Variants in IRAG2 observed in about 807,000 individuals in gnomAD.
IRAG2 encodes the protein lymphoid restricted membrane protein.
Under a neutral mutation model 69.9 loss-of-function variants are expected in IRAG2, and 45 were observed. The observed-to-expected ratio is 0.64, with a 90% CI of 0.51 to 0.83. The LOEUF (loss-of-function observed/expected upper bound fraction) is 0.83, where lower values mean the gene tolerates loss of function less well. Among genes scored for constraint, IRAG2 ranks in the 40% least tolerant of loss-of-function variants. The pLI is 0.00. For synonymous variants in IRAG2, 193 were observed against 202.4 expected (o/e 0.95, Z 0.40); for missense variants, 520 against 587.0 (o/e 0.89, Z 1.18).
At chr12:25,097,302 T>G (rs926959466) in intron 15 of IRAG2, 3 of 329,136 alleles carry the variant, frequency 9.1e-6, no homozygotes, top group Non-Finnish European at 1.7e-5. Context: ...TGTTATAATA[T>G]AGTGTTTATA....
At chr12:25,028,342 T>A (rs1295377903) in intron 9 of IRAG2, among the ~76,000 whole-genome samples, 1 of 152,230 alleles carries the variant, frequency 6.6e-6, no homozygotes, top group Non-Finnish European at 1.5e-5. Flanking sequence ...TTGCCCAGAT[T>A]TGTTATCTTT....
intron 2 of IRAG2, among the ~76,000 whole-genome samples, chr12:25,008,840 C>T (rs1315559920): frequency 2.2e-4 from 33 of 152,032 alleles, no homozygotes; most frequent in Non-Finnish European, 7.4e-5. Context: ...CTAATGTATT[C>T]TCTAGTATGT....
At chr12:25,081,858 T>G (rs1436092202) in intron 9 of IRAG2, among the ~76,000 whole-genome samples, 4 of 152,148 alleles carry the variant, frequency 2.6e-5, no homozygotes, top group South Asian at 2.1e-4. Context: ...ATGTTAAGTA[T>G]AGTGTACACA....
At chr12:25,024,012 A>G in intron 8 of IRAG2, 1 of 665,428 alleles carries the variant, frequency 1.5e-6, no homozygotes, top group Non-Finnish European at 2.1e-6. Context: ...AATCATGTAA[A>G]TATAGCCTCC....
At position 25,077,339 on chromosome 12, in the gene IRAG2, GAA is replaced by G. The variant is rs1491229961; in HGVS notation, c.25-1903_25-1902del. Among the ~76,000 whole-genome samples the G allele has an allele frequency of 7.0e-4, 54 of 76,760 alleles. 1 individual carries two copies. The highest frequency in any genetic ancestry group is 1.2e-3 in the South Asian group (3 of 2,462). The allele number at this position is 76,760 out of a possible 152,430, so 50.4% of individuals were successfully genotyped here. On this transcript the variant is annotated intron_variant, in intron 6 of 21. Coordinates refer to ENST00000556887, the MANE Select transcript of IRAG2 (RefSeq NM_001366544.2). Reference sequence around the variant, plus strand: ...TATGATATATATATGATATATATATGAAATATATATATGATATATATGATATA... The same window carrying G: ...TATGATATATATATGATATATATATGATATATATATGATATATATGATATA...
intron 2 of IRAG2, among the ~76,000 whole-genome samples, chr12:25,008,509 T>A (rs1944449953): frequency 6.6e-6 from 1 of 151,966 alleles, no homozygotes; most frequent in Admixed American, 6.6e-5. Context: ...GAGGCTGAGG[T>A]GGGCAGATCA....
At chr12:25,085,174 G>T (rs1947487593) in intron 10 of IRAG2, among the ~76,000 whole-genome samples, 1 of 152,258 alleles carries the variant, frequency 6.6e-6, no homozygotes, top group Non-Finnish European at 1.5e-5. Context: ...TTATCACAAG[G>T]GCAGAGGGCC....
In IRAG2 at chr12:25,108,276, A is replaced by G; in HGVS notation, c.*216A>G. ...TGATCTTTGAATGAGCTTTTTAAGG[A>G]AGAAATATTATATATTGTTTGTTAA... is the stretch of plus-strand genomic sequence containing the variant. On this transcript the variant is annotated 3_prime_UTR_variant, in exon 22 of 22. Transcript: ENST00000556887. The G allele has an allele frequency of 1.8e-6, 1 of 570,282 alleles. No homozygotes were observed. Among genetic ancestry groups the G allele is most frequent in the Non-Finnish European group, 3.0e-6 (1 of 333,894 alleles). 35.3% of individuals were successfully genotyped at this position (570,282 alleles called of 1,614,324 possible).
At chr12:25,004,888 G>A in exon 1 of IRAG2, 1 of 1,231,574 alleles carries the variant, frequency 8.1e-7, no homozygotes, top group Non-Finnish European at 1.0e-6. Flanking sequence ...GGATTCAGTG[G>A]TAAAAAAATT....
In IRAG2 at chr12:25,090,962, C is replaced by T. The variant is rs1275000138; in HGVS notation, c.606+765C>T. 5 of 400,922 alleles carry T rather than the reference C, an allele frequency of 1.2e-5. No homozygotes were observed. The Admixed American group carries it at 1.4e-4, about 11-fold the overall frequency. The allele number at this position is 400,922 out of a possible 1,614,324, so 24.8% of individuals were successfully genotyped here. On this transcript the variant is annotated intron_variant, in intron 14 of 21. Coordinates refer to ENST00000556887, the MANE Select transcript of IRAG2 (RefSeq NM_001366544.2). ...GTCTTGCAGATGATGGGCAAGCCTGCTGTAGGGTACTGAGAGAAGAATGGG... is the reference window on the plus strand; with the variant it reads ...GTCTTGCAGATGATGGGCAAGCCTGTTGTAGGGTACTGAGAGAAGAATGGG...
intron 14 of IRAG2, among the ~76,000 whole-genome samples, chr12:25,035,953 G>A (rs1482392687): frequency 6.6e-6 from 1 of 152,188 alleles, no homozygotes; most frequent in Non-Finnish European, 1.5e-5. Flanking sequence ...TTCTGAAGCT[G>A]GCCTTTTAGT....
intron 9 of IRAG2, among the ~76,000 whole-genome samples, chr12:25,027,207 A>G (rs953904488): frequency 1.3e-5 from 2 of 151,358 alleles, no homozygotes; most frequent in Admixed American, 1.3e-4. Context: ...ACCATCCCCC[A>G]CCCACCGTCC....
At chr12:25,049,377 C>T (rs1407021939), upstream of IRAG2, among the ~76,000 whole-genome samples, 1 of 152,156 alleles carries the variant, frequency 6.6e-6, no homozygotes, top group Non-Finnish European at 1.5e-5. Flanking sequence ...TATCCATGAG[C>T]ATGGAATGTT....
intron 20 of IRAG2, among the ~76,000 whole-genome samples, chr12:25,105,662 T>G (rs1440252900): frequency 6.6e-6 from 1 of 151,956 alleles, no homozygotes; most frequent in African/African-American, 2.4e-5. Context: ...AGTTCAAGAG[T>G]CTCCTTCAAA....
chr12:25,027,482 C>T (rs1351455048), intron 9 of IRAG2, among the ~76,000 whole-genome samples: 1 of 151,110 alleles, frequency 6.6e-6, no homozygotes, highest in Non-Finnish European at 1.5e-5. Context: ...GCAAGCTCTG[C>T]CTTCCGTGTT....
At chr12:25,018,797 G>T (rs192985179) in intron 6 of IRAG2, among the ~76,000 whole-genome samples, 2 of 152,304 alleles carry the variant, frequency 1.3e-5, no homozygotes, top group African/African-American at 2.4e-5. Context: ...GGACAGAAAG[G>T]CTGGAGAATC....
rs754420907 is a variant in IRAG2 at position 25,103,847 on chromosome 12, T to C, written c.944T>C (p.Leu315Pro). 3 of 1,612,336 alleles carry C rather than the reference T, an allele frequency of 1.9e-6. No individual in the cohort carries two copies. The East Asian group carries it at 6.7e-5, about 36-fold the overall frequency. ...TCCTCCTTCTGGTAGCCATCTTCTC[T>C]ACGAAGAGTGACTATTGCCTCTTTA... ...SASLNSKPSS[L>P]RRVTIASLPR... Residue 315 changes from leucine (L) to proline (P), a missense_variant, in exon 18 of 22, where the codon CTA (leucine) becomes CCA (proline). Physicochemically the swap from Leu to Pro is moderately conservative, Grantham distance 98. Coordinates refer to ENST00000556887, the MANE Select transcript of IRAG2 (RefSeq NM_001366544.2).
intron 5 of IRAG2, chr12:25,017,043 A>G (rs1944535229): frequency 1.9e-6 from 2 of 1,045,526 alleles, no homozygotes; most frequent in Non-Finnish European, 1.2e-6. Flanking sequence ...TCACCAGAAT[A>G]TCAAAGTTTG....
At chr12:25,047,800 T>C (rs1029615625), upstream of IRAG2, among the ~76,000 whole-genome samples, 3 of 152,246 alleles carry the variant, frequency 2.0e-5, no homozygotes, top group Admixed American at 6.5e-5. Context: ...CTTGTTCCTT[T>C]TTATGACTGC....
Sources: gnomAD v4.1 joint callset for allele counts (sites outside exome capture counted in the v4.1 genomes callset) on GRCh38, gnomAD v4.1.1 for gene constraint, MANE v1.5 for transcripts, NCBI Gene and HGNC (gene_info 2026-07-23, HGNC 2026-07-21) for gene names.